KCNU1: variants seen among roughly 807,000 people sequenced by gnomAD.
KCNU1 encodes potassium channel subfamily U member 1.
KCNU1 carries 93 observed loss-of-function variants against 126.8 expected under a neutral mutation model. The observed-to-expected ratio is 0.73, with a 90% CI of 0.62 to 0.87. The LOEUF (loss-of-function observed/expected upper bound fraction) is 0.87. KCNU1 is among the 40% of genes least tolerant of loss of function. The pLI, the probability that KCNU1 is intolerant of heterozygous loss-of-function variation, is 0.00. For synonymous variants in KCNU1, 523 were observed against 494.2 expected, an observed-to-expected ratio of 1.06 and a Z score of -0.77; for missense variants, 1,330 against 1,367.1, an observed-to-expected ratio of 0.97 and a Z score of 0.43.
At chr8:36,879,238 T>TATATATATATATATATAC (rs1216880068) in intron 19 of KCNU1, among the ~76,000 whole-genome samples, 4 of 139,336 alleles carry the variant, frequency 2.9e-5, no homozygotes, top group Admixed American at 7.3e-5. Flanking sequence ...TATATATATA[T>TATATATATATATATATAC]ACACACACAT....
At chr8:36,824,594 G>A (rs1444753951) in intron 10 of KCNU1, among the ~76,000 whole-genome samples, 4 of 152,236 alleles carry the variant, frequency 2.6e-5, no homozygotes, top group South Asian at 2.1e-4. Flanking sequence ...TCCATAGCTA[G>A]CACACCAACA....
chr8:36,787,191 A>C, intron 1 of KCNU1, 115 bp from the exon 2 acceptor site: 2 of 879,766 alleles, frequency 2.3e-6, no homozygotes, highest in Non-Finnish European at 3.2e-6. Context: ...TGGTTTGGAC[A>C]AGGTGGAGTG....
intron 19 of KCNU1, among the ~76,000 whole-genome samples, chr8:36,869,715 G>C (rs1806034389): frequency 6.6e-6 from 1 of 152,134 alleles, no homozygotes; most frequent in South Asian, 2.1e-4. Flanking sequence ...AGGATTGGTT[G>C]AGACAGGACT....
At position 36,890,891 on chromosome 8, in the gene KCNU1, A is replaced by G. The variant is rs374469825; in HGVS notation, c.2010-14817A>G. ...TAGCCACTACAGTTCTCCTTTAATT[A>G]CTATTTTCATGCCGTTATTTTCCAT... On this transcript the variant is annotated intron_variant, in intron 19 of 26. Coordinates refer to ENST00000399881, the MANE Select transcript of KCNU1 (RefSeq NM_001031836.3). 2.3e-4 allele frequency among the ~76,000 whole-genome samples: 34 copies of G among 150,752 alleles called. 1 individual carries two copies. The highest frequency in any genetic ancestry group is 7.7e-4 in the African/African-American group (31 of 40,416).
rs370888058 is a variant in KCNU1, at chr8:36,835,271, G to A, written c.1295+403G>A. Among the ~76,000 whole-genome samples the A allele has an allele frequency of 4.6e-5, 7 of 152,104 alleles. No individual in the cohort carries two copies. The East Asian group carries it at 1.2e-3, about 25-fold the overall frequency. On this transcript the variant is annotated intron_variant, in intron 12 of 26. Coordinates refer to ENST00000399881, the MANE Select transcript of KCNU1 (RefSeq NM_001031836.3). ...ATTGGGATTTTTCTCTAGTAGTTGTGGTGAAAGATTATGCGTGGTCCGGTA... is the reference window on the plus strand; with the variant it reads ...ATTGGGATTTTTCTCTAGTAGTTGTAGTGAAAGATTATGCGTGGTCCGGTA...
intron 2 of KCNU1, among the ~76,000 whole-genome samples, chr8:36,800,814 G>A (rs1183832066): frequency 6.6e-6 from 1 of 152,220 alleles, no homozygotes; most frequent in Non-Finnish European, 1.5e-5. Flanking sequence ...CAACAGTATA[G>A]GTTTGAAAAA....
chr8:36,852,344 T>C (rs1292881757), intron 18 of KCNU1, among the ~76,000 whole-genome samples: 1 of 152,160 alleles, frequency 6.6e-6, no homozygotes, highest in Non-Finnish European at 1.5e-5. Context: ...TTCTTGTATG[T>C]CTTTGTCTGC....
rs1277358604 is a variant in KCNU1, at chr8:36,933,047, T to G, written c.3044+15T>G. The G allele has an allele frequency of 2.4e-5, 34 of 1,426,820 alleles. 1 individual carries two copies. The highest frequency in any genetic ancestry group is 3.2e-5 in the Non-Finnish European group (33 of 1,032,542). 88.4% of individuals were successfully genotyped at this position (1,426,820 alleles called of 1,614,324 possible). A position where few individuals can be genotyped will look rare whatever the true frequency, so the allele number is the denominator to read the frequency against. ...GAAAACAAAAGGGGAGTGTGCTAGATTGGAAAGCACCATCCACCCATTCAA... is the reference window on the plus strand; with the variant it reads ...GAAAACAAAAGGGGAGTGTGCTAGAGTGGAAAGCACCATCCACCCATTCAA... On this transcript the variant is annotated intron_variant, in intron 26 of 26. Coordinates refer to ENST00000399881, the MANE Select transcript of KCNU1 (RefSeq NM_001031836.3).
At chr8:36,813,493 G>A (rs777845436) in intron 7 of KCNU1, among the ~76,000 whole-genome samples, 2 of 150,054 alleles carry the variant, frequency 1.3e-5, no homozygotes, top group Non-Finnish European at 3.0e-5. Context: ...ATAAATGTAT[G>A]TTATATATAA....
chr8:36,791,541 C>T (rs1336206534), intron 2 of KCNU1, among the ~76,000 whole-genome samples: 1 of 152,052 alleles, frequency 6.6e-6, no homozygotes, highest in East Asian at 1.9e-4. Flanking sequence ...AATGCATAAC[C>T]TTTTCTGTGA....
chr8:36,905,567 C>T, intron 19 of KCNU1, 141 bp from the exon 20 acceptor site: 1 of 616,092 alleles, frequency 1.6e-6, no homozygotes, highest in Non-Finnish European at 2.9e-6. Flanking sequence ...AGCCTTTATT[C>T]TAGAGTCTTA....
chr8:36,840,382 C>A, intron 14 of KCNU1, 81 bp from the exon 15 acceptor site: 1 of 697,342 alleles, frequency 1.4e-6, no homozygotes, highest in South Asian at 1.7e-5. Flanking sequence ...CTTGTTTGTG[C>A]TTAGCAGAAT....
At position 36,836,277 on chromosome 8, in the gene KCNU1, G is replaced by A. The variant is rs1211368475; in HGVS notation, c.1296-19G>A. On this transcript the variant is annotated intron_variant, in intron 12 of 26. Coordinates refer to ENST00000399881, the MANE Select transcript of KCNU1 (RefSeq NM_001031836.3). ...TGGCTATGACACATGACTAATGAGAGTGTTTGGGGTTTATATAGGGTGCTC... is the reference window on the plus strand; with the variant it reads ...TGGCTATGACACATGACTAATGAGAATGTTTGGGGTTTATATAGGGTGCTC... 4 of 1,530,198 alleles carry A rather than the reference G, an allele frequency of 2.6e-6. No individual in the cohort carries two copies. In the South Asian group the frequency reaches 4.5e-5, roughly 17 times the overall value. The allele number at this position is 1,530,198 out of a possible 1,614,324, so 94.8% of individuals were successfully genotyped here.
chr8:36,831,946 G>A (rs1214418776), intron 10 of KCNU1, among the ~76,000 whole-genome samples: 3 of 152,148 alleles, frequency 2.0e-5, no homozygotes, highest in Non-Finnish European at 4.4e-5. Flanking sequence ...TATAATGTGT[G>A]AGGAAGGGAT....
intron 22 of KCNU1, among the ~76,000 whole-genome samples, chr8:36,914,531 G>A (rs951285458): frequency 1.3e-5 from 2 of 152,094 alleles, no homozygotes; most frequent in African/African-American, 2.4e-5. Context: ...ACATAAATGC[G>A]AAGCCAAGCT....
At chr8:36,790,480 A>G (rs1036043522) in intron 2 of KCNU1, among the ~76,000 whole-genome samples, 5 of 150,844 alleles carry the variant, frequency 3.3e-5, no homozygotes, top group East Asian at 1.9e-4. Context: ...ATAAAAAAGG[A>G]AAAAAAAAGG....
At position 36,793,982 on chromosome 8, in the gene KCNU1, C is replaced by T. The variant is rs185806418; in HGVS notation, c.315+6557C>T. Among the ~76,000 whole-genome samples the T allele has an allele frequency of 7.1e-4, 97 of 137,408 alleles. 1 individual carries two copies. The East Asian group carries it at 0.018, about 26-fold the overall frequency. The allele number at this position is 137,408 out of a possible 152,430, so 90.1% of individuals were successfully genotyped here. A position where few individuals can be genotyped will look rare whatever the true frequency, so the allele number is the denominator to read the frequency against. ...GGCAGGAGAATCACTTGAACCTGGG[C>T]GGCAGAGGTTGCAATGAGCTGAGAT... On this transcript the variant is annotated intron_variant, in intron 2 of 26. Transcript: ENST00000399881.
intron 22 of KCNU1, among the ~76,000 whole-genome samples, chr8:36,914,962 T>C (rs1429710550): frequency 1.4e-4 from 21 of 152,222 alleles, no homozygotes; most frequent in Admixed American, 1.4e-3. Context: ...GTACCCAGGC[T>C]ATGATCTGAC....
intron 21 of KCNU1, among the ~76,000 whole-genome samples, 152 bp from the exon 22 acceptor site, chr8:36,910,778 A>C (rs1270583626): frequency 6.6e-6 from 1 of 152,198 alleles, no homozygotes; most frequent in Non-Finnish European, 1.5e-5. Context: ...TAAATGTGTC[A>C]GATATGAGGT....
Sources: allele counts gnomAD v4.1 joint callset (sites outside exome capture counted in the v4.1 genomes callset), GRCh38; gene constraint gnomAD v4.1.1; transcripts MANE v1.5; gene names NCBI Gene and HGNC (gene_info 2026-07-23, HGNC 2026-07-21).